The following MCF2L variants were observed in gnomAD, a reference collection of about 807,000 sequenced individuals.
MCF2L encodes the protein MCF.2 cell line derived transforming sequence like.
In MCF2L, 97 loss-of-function variants were observed where a neutral mutation model predicts 153.4. The ratio of observed to expected loss-of-function variants is 0.63; its 90% CI spans 0.54 to 0.75. The LOEUF (loss-of-function observed/expected upper bound fraction) is 0.75. Among genes scored for constraint, MCF2L ranks in the 30% least tolerant of loss-of-function variants. The pLI, the probability that MCF2L is intolerant of heterozygous loss-of-function variation, is 0.00. For missense variants in MCF2L, 1,347 were observed against 1,495.2 expected, an observed-to-expected ratio of 0.90 and a Z score of 1.64; for synonymous variants, 659 against 632.2, an observed-to-expected ratio of 1.04 and a Z score of -0.64.
At chr13:112,978,732 A>G (rs527457778) in intron 1 of MCF2L, among the ~76,000 whole-genome samples, 2 of 152,362 alleles carry the variant, frequency 1.3e-5, no homozygotes, top group East Asian at 3.9e-4. Flanking sequence ...AGAAGGGCAC[A>G]TGTGGTGCTC....
At chr13:112,929,440 AT>A (rs1481405573) in intron 2 of MCF2L, among the ~76,000 whole-genome samples, 15 of 152,244 alleles carry the variant, frequency 9.9e-5, no homozygotes, top group Non-Finnish European at 1.5e-4. Flanking sequence ...AAAGCCATTT[AT>A]CTTTTATCGG....
chr13:112,986,176 C>T (rs558894730), intron 1 of MCF2L, among the ~76,000 whole-genome samples: 2 of 150,306 alleles, frequency 1.3e-5, no homozygotes, highest in East Asian at 1.9e-4. Flanking sequence ...GACCTGCGGT[C>T]GGGGTCTGAT....
chr13:113,075,203 G>A lies in MCF2L; in HGVS notation c.1308+14G>A, dbSNP rs1158540455. 1 of 1,576,306 alleles carries A rather than the reference G, an allele frequency of 6.3e-7. No homozygotes were observed. The highest frequency in any genetic ancestry group is 1.7e-5 in the Admixed American group (1 of 58,376). ...CGCCTGGAGACGGTAGGCCGAGCCGGACCCCACCCCACTCCCCCCCAGCTG... is the reference window on the plus strand; with the variant it reads ...CGCCTGGAGACGGTAGGCCGAGCCGAACCCCACCCCACTCCCCCCCAGCTG... On this transcript the variant is annotated intron_variant, in intron 11 of 29. Coordinates refer to ENST00000535094, the MANE Select transcript of MCF2L (RefSeq NM_001112732.3).
At chr13:112,914,732 T>G (rs189568742) in intron 2 of MCF2L, among the ~76,000 whole-genome samples, 1 of 152,112 alleles carries the variant, frequency 6.6e-6, no homozygotes, top group Non-Finnish European at 1.5e-5. Flanking sequence ...CTCATTTATG[T>G]TTTTATCTTT....
rs1566879644 is a variant in MCF2L at position 113,089,559 on chromosome 13, GACTAACCAGGCAACAC to G, written c.2835-46_2835-31del. 2.3e-6 allele frequency: 3 copies of G among 1,304,862 alleles called. No individual in the cohort carries two copies. In the East Asian group the frequency reaches 6.9e-5, roughly 30 times the overall value. The allele number at this position is 1,304,862 out of a possible 1,614,324, so 80.8% of individuals were successfully genotyped here. A position where few individuals can be genotyped will look rare whatever the true frequency, so the allele number is the denominator to read the frequency against. On this transcript the variant is annotated intron_variant, in intron 25 of 29. Coordinates refer to ENST00000535094, the MANE Select transcript of MCF2L (RefSeq NM_001112732.3). ...CTCAGGTCCTCAGGGCGTTCTGAAAGACTAACCAGGCAACACACTATTTCCTTTTTGATTTGTCTGA... is the reference window on the plus strand; with the variant it reads ...CTCAGGTCCTCAGGGCGTTCTGAAAGACTATTTCCTTTTTGATTTGTCTGA...
intron 1 of MCF2L, among the ~76,000 whole-genome samples, chr13:112,972,849 A>T (rs1262134362): frequency 8.6e-5 from 1 of 11,622 alleles, no homozygotes; most frequent in East Asian, 1.3e-3. Flanking sequence ...GGATGAATGG[A>T]TGGATGGATG....
chr13:112,917,215 C>G, intron 2 of MCF2L: 1 of 470,114 alleles, frequency 2.1e-6, no homozygotes, highest in Non-Finnish European at 4.4e-6. Flanking sequence ...CTGCACCGCC[C>G]TGCCTCCGCA....
chr13:112,922,776 A>G (rs1045676017), intron 2 of MCF2L, among the ~76,000 whole-genome samples: 3 of 152,254 alleles, frequency 2.0e-5, no homozygotes, highest in African/African-American at 7.2e-5. Context: ...CGGAGGTTGC[A>G]GTGAGCTGAG....
chr13:112,929,979 C>T (rs753693429), intron 2 of MCF2L, among the ~76,000 whole-genome samples: 1 of 152,226 alleles, frequency 6.6e-6, no homozygotes, highest in Non-Finnish European at 1.5e-5. Context: ...AAAAGATGCT[C>T]AGAATCATTT....
Position 113,064,836 on chromosome 13 carries a change from G to A in MCF2L, c.607-100G>A, listed in dbSNP as rs1594903417. The A allele has an allele frequency of 2.9e-6, 4 of 1,358,500 alleles. No homozygotes were observed. The East Asian group carries it at 9.4e-5, about 32-fold the overall frequency. The allele number at this position is 1,358,500 out of a possible 1,614,324, so 84.2% of individuals were successfully genotyped here. On this transcript the variant is annotated intron_variant, in intron 6 of 29. Coordinates refer to ENST00000535094, the MANE Select transcript of MCF2L (RefSeq NM_001112732.3). The surrounding 1 kb of genome is among the most constrained non-coding windows in gnomAD (Gnocchi z 6.0). ...TTTGCGTCAGCCGGTCTCACCTGAT[G>A]GGTCTGTGTGGGAACGGTTTCCGCC...
At chr13:112,896,794 G>A (rs1267420803) in intron 1 of MCF2L, among the ~76,000 whole-genome samples, 1 of 152,198 alleles carries the variant, frequency 6.6e-6, no homozygotes, top group African/African-American at 2.4e-5. Context: ...GCTGCATCTT[G>A]GTGACAGCAT....
At chr13:113,029,071 A>G (rs1390172796) in intron 3 of MCF2L, among the ~76,000 whole-genome samples, 1 of 152,146 alleles carries the variant, frequency 6.6e-6, no homozygotes, top group Non-Finnish European at 1.5e-5. Context: ...CATCAGTGTC[A>G]GACCCAATGC....
chr13:113,077,785 G>A (rs910195558), intron 13 of MCF2L, among the ~76,000 whole-genome samples: 3 of 152,154 alleles, frequency 2.0e-5, no homozygotes, highest in Non-Finnish European at 4.4e-5. Flanking sequence ...GTCTCAAAAC[G>A]AACCCTCTTC....
intron 1 of MCF2L, among the ~76,000 whole-genome samples, chr13:112,978,200 C>T (rs1336247228): frequency 6.6e-6 from 1 of 152,226 alleles, no homozygotes; most frequent in South Asian, 2.1e-4. Context: ...TGCACACAAG[C>T]CCCCAACAAA....
At chr13:112,961,719 A>T in intron 2 of MCF2L, among the ~76,000 whole-genome samples, 1 of 152,140 alleles carries the variant, frequency 6.6e-6, no homozygotes, top group East Asian at 1.9e-4. Context: ...AGCTGCAGTC[A>T]CCCTCAGTGA....
At position 112,993,686 on chromosome 13, in the gene MCF2L, G is replaced by T. The variant is rs551360827; in HGVS notation, c.80-21077G>T. On this transcript the variant is annotated intron_variant, in intron 1 of 29. Transcript: ENST00000535094. This position sits in a 1 kb window ranked among gnomAD's most constrained non-coding sequence, Gnocchi z 4.6. Reference sequence around the variant, plus strand: ...CACGATGTCAGGCTTGGAATTTGGGGTGGACGGTGGTGCCATCAGTCAAGA... The same window carrying T: ...CACGATGTCAGGCTTGGAATTTGGGTTGGACGGTGGTGCCATCAGTCAAGA... Among the ~76,000 whole-genome samples, 2 of 152,222 alleles carry T rather than the reference G, an allele frequency of 1.3e-5. No individual in the cohort carries two copies. The highest frequency in any genetic ancestry group is 4.2e-4 in the South Asian group (2 of 4,816).
intron 7 of MCF2L, 151 bp from the exon 8 acceptor site, chr13:113,065,895 C>T: frequency 1.2e-6 from 1 of 807,194 alleles, no homozygotes; most frequent in Non-Finnish European, 1.9e-6. Flanking sequence ...CCGCACGACC[C>T]CACAGAAGAG....
chr13:113,086,243 C>T lies in MCF2L; in HGVS notation c.2367C>T (p.Gly789=). The change falls in exon 21 of 30, where the codon GGC becomes GGT. Residue 789 remains glycine, a synonymous_variant. Coordinates refer to ENST00000535094, the MANE Select transcript of MCF2L (RefSeq NM_001112732.3). ...NDSMHLIAIT[G]YDGNLGDLGK... ...CCATGCACCTCATCGCTATCACCGG[C>T]TATGACGTAAGGCGCCCAGATGCCC... The T allele has an allele frequency of 6.2e-7, 1 of 1,610,000 alleles. No homozygotes were observed. Among genetic ancestry groups the T allele is most frequent in the East Asian group, 2.2e-5 (1 of 44,458 alleles).
chr13:112,985,357 G>A (rs9577407), intron 1 of MCF2L: 121,487 of 468,774 alleles, frequency 0.26, 16,364 homozygotes, highest in Admixed American at 0.29. Context: ...GGCAGCGCGC[G>A]TCCTCCCCGG....
Sources: gnomAD v4.1 joint callset for allele counts (sites outside exome capture counted in the v4.1 genomes callset) on GRCh38, gnomAD v4.1.1 for gene constraint, Gnocchi (gnomAD v3.1) non-coding constraint, MANE v1.5 for transcripts, NCBI Gene and HGNC (gene_info 2026-07-23, HGNC 2026-07-21) for gene names.